Variants in CNGB3 observed in about 807,000 individuals in gnomAD.
CNGB3 encodes cyclic nucleotide gated channel subunit beta 3, also known as cyclic nucleotide-gated channel beta-3.
A neutral mutation model predicts 92.8 loss-of-function variants in CNGB3; 86 were observed. That is an observed-to-expected ratio of 0.93 (90% CI 0.78 to 1.11). The LOEUF is 1.11. Among genes scored for constraint, CNGB3 ranks in the 50% least tolerant of loss-of-function variants. CNGB3 has a pLI of 0.00. For synonymous variants in CNGB3, 333 were observed against 332.7 expected, an observed-to-expected ratio of 1.00 and a Z score of -0.01; for missense variants, 1,026 against 956.8, an observed-to-expected ratio of 1.07 and a Z score of -0.95.
Position 86,670,967 on chromosome 8 carries a change from G to T in CNGB3, c.470C>A (p.Ser157Ter), listed in dbSNP as rs2131618872. 1 of 1,612,568 alleles carries T rather than the reference G, an allele frequency of 6.2e-7. No individual in the cohort carries two copies. ...ACCAGTTTGTGGGCTGGCTTCGGGT[G>T]AGGAGAGATCTCCCTCTACCAACTT... ...KKKLVEGDLSSPEASPQTAKP... is the reference protein window; with the variant it reads ...KKKLVEGDLS Residue 157 changes from serine to a stop codon, truncating the protein, a stop_gained, in exon 4 of 18, where the codon TCA (serine) becomes TAA (stop). Coordinates refer to ENST00000320005, the MANE Select transcript of CNGB3 (RefSeq NM_019098.5). LOFTEE classifies it high-confidence loss of function.
intron 2 of CNGB3, among the ~76,000 whole-genome samples, chr8:86,730,231 G>T (rs1054719419): frequency 4.6e-5 from 7 of 152,162 alleles, no homozygotes; most frequent in Non-Finnish European, 1.0e-4. Context: ...TTCAGGTGAT[G>T]AAATAAGTGA....
intron 3 of CNGB3, among the ~76,000 whole-genome samples, chr8:86,694,229 C>T (rs1270451522): frequency 2.1e-5 from 3 of 139,550 alleles, no homozygotes; most frequent in South Asian, 2.4e-4. Context: ...GGGGGGCTGA[C>T]CCCCCCACCT....
chr8:86,662,531 A>G lies in CNGB3; in HGVS notation c.852+4394T>C, dbSNP rs112773887. 5.4e-4 allele frequency among the ~76,000 whole-genome samples: 82 copies of G among 152,324 alleles called. 1 individual carries two copies. Among genetic ancestry groups the G allele is most frequent in the African/African-American group, 1.6e-3 (67 of 41,572 alleles). On this transcript the variant is annotated intron_variant, in intron 6 of 17. Coordinates refer to ENST00000320005, the MANE Select transcript of CNGB3 (RefSeq NM_019098.5). ...TGTATTTTCTATATGCCAGACCCTG[A>G]GCTAGGTGTCTTATTCAATCTTCAT...
chr8:86,587,905 T>C (rs1446656594), intron 15 of CNGB3, among the ~76,000 whole-genome samples: 8 of 152,176 alleles, frequency 5.3e-5, no homozygotes, highest in African/African-American at 1.9e-4. Context: ...GGGGATTGCA[T>C]TGAATCTGTA....
Position 86,668,022 on chromosome 8 carries a change from T to C in CNGB3, c.640A>G (p.Thr214Ala). 1 of 1,614,046 alleles carries C rather than the reference T, an allele frequency of 6.2e-7. No homozygotes were observed. Among genetic ancestry groups the C allele is most frequent in the Non-Finnish European group, 8.5e-7 (1 of 1,179,966 alleles). ...IKLPNSIDSY[T>A]DRLYLLWLLL... The stretch of plus-strand genomic sequence containing the variant: ...ATAATTCACCCTTTGATAATACCTG[T>C]GTATGAATCTATGCTGTTTGGAAGT... Residue 214 changes from threonine to alanine, a missense_variant, in exon 5 of 18, where the codon ACA (threonine) becomes GCA (alanine). Physicochemically the swap from Thr to Ala is moderately conservative, Grantham distance 58 (BLOSUM62 0). Coordinates refer to ENST00000320005, the MANE Select transcript of CNGB3 (RefSeq NM_019098.5).
At chr8:86,711,778 T>C (rs1420183979) in intron 3 of CNGB3, among the ~76,000 whole-genome samples, 1 of 151,782 alleles carries the variant, frequency 6.6e-6, no homozygotes, top group Non-Finnish European at 1.5e-5. Flanking sequence ...CTTTTAAGGA[T>C]ACAAAGCACA....
intron 9 of CNGB3, among the ~76,000 whole-genome samples, chr8:86,644,379 C>G (rs1823253265): frequency 6.6e-6 from 1 of 151,386 alleles, no homozygotes; most frequent in African/African-American, 2.4e-5. Context: ...CTTGTTTTGA[C>G]AGAGGCAGAT....
At chr8:86,689,031 T>A (rs1824246154) in intron 3 of CNGB3, among the ~76,000 whole-genome samples, 1 of 152,032 alleles carries the variant, frequency 6.6e-6, no homozygotes, top group Admixed American at 6.6e-5. Context: ...CTTTTTTTTT[T>A]TTATTAACCC....
Position 86,576,059 on chromosome 8 carries a change from A to G in CNGB3, c.2175T>C (p.Asp725=), listed in dbSNP as rs1179312391. The G allele has an allele frequency of 1.3e-6, 2 of 1,596,772 alleles. No homozygotes were observed. Among genetic ancestry groups the G allele is most frequent in the South Asian group, 1.1e-5 (1 of 88,106 alleles). ...CTTTATCTTCATTTTCTTTTTGTTT[A>G]TCTTCATTTTCTTTTTGTTTATCTT... is the stretch of plus-strand genomic sequence containing the variant. ...ENEDKQKENE[D]KQKENEDKGK... Residue 725 remains aspartate, a synonymous_variant, in exon 18 of 18, where the codon GAT becomes GAC. Transcript: ENST00000320005.
At chr8:86,627,649 C>T (rs575940546) in intron 12 of CNGB3, among the ~76,000 whole-genome samples, 1 of 152,294 alleles carries the variant, frequency 6.6e-6, no homozygotes, top group South Asian at 2.1e-4. Flanking sequence ...AGTGCATTAT[C>T]TTCGACTTAT....
At chr8:86,726,390 G>T in intron 3 of CNGB3, 141 bp downstream of exon 3, 1 of 1,186,746 alleles carries the variant, frequency 8.4e-7, no homozygotes, top group Non-Finnish European at 1.2e-6. Flanking sequence ...TTTTAGTTCT[G>T]ACACAGTTTT....
intron 2 of CNGB3, among the ~76,000 whole-genome samples, chr8:86,728,500 A>G (rs1373024177): frequency 6.6e-6 from 1 of 152,232 alleles, no homozygotes; most frequent in Non-Finnish European, 1.5e-5. Context: ...CATATAGATC[A>G]GATCTCTGAC....
intron 13 of CNGB3, among the ~76,000 whole-genome samples, chr8:86,614,707 T>C (rs1204870912): frequency 1.3e-5 from 2 of 152,126 alleles, no homozygotes; most frequent in African/African-American, 2.4e-5. Context: ...CACAACGGCA[T>C]CGGCCAATAT....
chr8:86,633,984 G>A (rs1347906009), intron 10 of CNGB3, among the ~76,000 whole-genome samples: 2 of 152,104 alleles, frequency 1.3e-5, no homozygotes, highest in African/African-American at 4.8e-5. Context: ...AGAAAATCAA[G>A]TATGCTCAGA....
At chr8:86,689,515 T>C (rs1300080515) in intron 3 of CNGB3, among the ~76,000 whole-genome samples, 7 of 150,582 alleles carry the variant, frequency 4.6e-5, no homozygotes, top group Non-Finnish European at 7.4e-5. Context: ...ATATATTTTT[T>C]TTACTTTTTA....
At chr8:86,644,589 C>T (rs753108011) in intron 9 of CNGB3, 33 bp downstream of exon 9, 13 of 1,596,692 alleles carry the variant, frequency 8.1e-6, no homozygotes, top group Non-Finnish European at 1.1e-5. Context: ...TTGCTTTTTC[C>T]CCTTCCCCCA....
intron 6 of CNGB3, among the ~76,000 whole-genome samples, chr8:86,655,860 A>G (rs918460115): frequency 6.6e-6 from 1 of 152,210 alleles, no homozygotes; most frequent in African/African-American, 2.4e-5. Context: ...TTTCACTTAT[A>G]TGTAGTAAAG....
intron 13 of CNGB3, among the ~76,000 whole-genome samples, chr8:86,624,632 C>T (rs1206947392): frequency 6.6e-6 from 1 of 152,110 alleles, no homozygotes; most frequent in Non-Finnish European, 1.5e-5. Flanking sequence ...CCCTCCTGTC[C>T]TCATTCCTCT....
chr8:86,718,543 A>G (rs556878173), intron 3 of CNGB3, among the ~76,000 whole-genome samples: 1 of 152,172 alleles, frequency 6.6e-6, no homozygotes, highest in Non-Finnish European at 1.5e-5. Context: ...GCCAAGAAAA[A>G]AAAGTCCAGG....
Sources: gnomAD v4.1 joint callset for allele counts (sites outside exome capture counted in the v4.1 genomes callset) on GRCh38, gnomAD v4.1.1 for gene constraint, MANE v1.5 for transcripts, NCBI Gene and HGNC (gene_info 2026-07-23, HGNC 2026-07-21) for gene names.